The following COL23A1 variants were observed in gnomAD, a reference collection of about 807,000 sequenced individuals.
The protein encoded by COL23A1 is collagen alpha-1(XXIII) chain.
In COL23A1, 97 loss-of-function variants were observed where a neutral mutation model predicts 99.3. The ratio of observed to expected loss-of-function variants is 0.98; its 90% CI spans 0.83 to 1.16. The LOEUF (loss-of-function observed/expected upper bound fraction) is 1.16, where lower values mean the gene tolerates loss of function less well. Ranked by LOEUF, COL23A1 falls within the 50% of genes most tolerant of loss-of-function variation. COL23A1 has a pLI of 0.00. For synonymous variants in COL23A1, 320 were observed against 308.2 expected (o/e 1.04, Z -0.40); for missense variants, 762 against 757.4 (o/e 1.01, Z -0.07).
chr5:178,581,714 G>C (rs1043662537), intron 1 of COL23A1, among the ~76,000 whole-genome samples: 2 of 152,132 alleles, frequency 1.3e-5, no homozygotes, highest in Non-Finnish European at 2.9e-5. Flanking sequence ...ACAAAAATAG[G>C]GGGAGGGTGT....
intron 1 of COL23A1, among the ~76,000 whole-genome samples, chr5:178,580,772 C>T (rs1034430521): frequency 2.0e-5 from 3 of 152,200 alleles, no homozygotes; most frequent in Non-Finnish European, 4.4e-5. Context: ...GTAATCTCAA[C>T]ACTTTGGAAG....
chr5:178,288,792 A>C (rs1044251677), intron 4 of COL23A1, among the ~76,000 whole-genome samples: 4 of 145,994 alleles, frequency 2.7e-5, no homozygotes, highest in Non-Finnish European at 4.6e-5. Flanking sequence ...GAAGCCAGGA[A>C]TATCGGGGGG....
At position 178,256,904 on chromosome 5, in the gene COL23A1, G is replaced by A. The variant is rs61739424; in HGVS notation, c.799C>T (p.Arg267Trp). The change falls in exon 14 of 29, where the codon CGG becomes TGG. Residue 267 changes from arginine to tryptophan, a missense_variant. Arg to Trp is a moderately radical substitution (Grantham distance 101). Coordinates refer to ENST00000390654, the MANE Select transcript of COL23A1 (RefSeq NM_173465.4). ...GCACCGTCCACACCGTTCTCTCCCC[G>A]AGGCCCCATGCTCCCTGGCTCGCCC... ...PKGEPGSMGPRGENGVDGAPG... is the reference protein window; with the variant it reads ...PKGEPGSMGPWGENGVDGAPG... The A allele has an allele frequency of 0.049, 78,815 of 1,613,366 alleles. 2,474 individuals carry two copies. The highest frequency in any genetic ancestry group is 0.15 in the Admixed American group (8,763 of 59,924).
At chr5:178,269,466 C>T (rs934764799) in intron 6 of COL23A1, among the ~76,000 whole-genome samples, 9 of 60,148 alleles carry the variant, frequency 1.5e-4, no homozygotes, top group Non-Finnish European at 2.2e-4. Flanking sequence ...CATCCATCCA[C>T]CCATCCACCC....
chr5:178,320,025 T>C (rs746857842), intron 2 of COL23A1, among the ~76,000 whole-genome samples: 1 of 152,244 alleles, frequency 6.6e-6, no homozygotes, highest in African/African-American at 2.4e-5. Flanking sequence ...CATTCCTGCA[T>C]GGCTGAATGC....
At chr5:178,572,157 C>G (rs1194603491) in intron 1 of COL23A1, among the ~76,000 whole-genome samples, 1 of 150,020 alleles carries the variant, frequency 6.7e-6, no homozygotes, top group African/African-American at 2.5e-5. Flanking sequence ...GGATTAATGG[C>G]AGATGAGACA....
In COL23A1 at chr5:178,281,298, G is replaced by T. The variant is rs1019503795; in HGVS notation, c.441+7026C>A. ...GAACTACAAGAGTGCAAGAGAGCGT[G>T]TGAACGTGCGGTGCTCCATGGGCCT... On this transcript the variant is annotated intron_variant, in intron 5 of 28. Coordinates refer to ENST00000390654, the MANE Select transcript of COL23A1 (RefSeq NM_173465.4). This position sits in a 1 kb window ranked among gnomAD's most constrained non-coding sequence, Gnocchi z 4.0. Among the ~76,000 whole-genome samples, 1 of 152,234 alleles carries T rather than the reference G, an allele frequency of 6.6e-6. No individual in the cohort carries two copies. Among genetic ancestry groups the T allele is most frequent in the African/African-American group, 2.4e-5 (1 of 41,456 alleles).
In COL23A1 at chr5:178,437,369, G is replaced by T. The variant is rs1766615005; in HGVS notation, c.361+123313C>A. ...TTAGGACCTACCTGGGATGAAACAG[G>T]GTGCCAGGAGAGGTTGCAGGAGCAG... On this transcript the variant is annotated intron_variant, in intron 2 of 28. Coordinates refer to ENST00000390654, the MANE Select transcript of COL23A1 (RefSeq NM_173465.4). Among the ~76,000 whole-genome samples the T allele has an allele frequency of 2.6e-5, 4 of 152,164 alleles. No homozygotes were observed. The South Asian group carries it at 8.3e-4, about 32-fold the overall frequency.
Position 178,381,111 on chromosome 5 carries a change from A to G in COL23A1, c.362-74192T>C, listed in dbSNP as rs149551812. On this transcript the variant is annotated intron_variant, in intron 2 of 28. Coordinates refer to ENST00000390654, the MANE Select transcript of COL23A1 (RefSeq NM_173465.4). ...GGTCTGGCATGGCCACAGTCACTGA[A>G]GTGGAGTGGGGTTCTGCCACTCCCT... Among the ~76,000 whole-genome samples, 982 of 152,346 alleles carry G rather than the reference A, an allele frequency of 6.4e-3. 13 individuals carry two copies. The highest frequency in any genetic ancestry group is 0.022 in the African/African-American group (934 of 41,580).
intron 3 of COL23A1, among the ~76,000 whole-genome samples, chr5:178,294,166 C>A (rs1757608835): frequency 6.6e-6 from 1 of 152,130 alleles, no homozygotes; most frequent in Admixed American, 6.5e-5. Context: ...TCCTCACTGT[C>A]TTGTTCCTAA....
Position 178,313,305 on chromosome 5 carries a change from A to C in COL23A1, c.362-6386T>G, listed in dbSNP as rs1758803500. ...GGTGCGTGACAATGTGAACATACTG[A>C]ATGCCACTCAAGTGTACACTTAAGG... On this transcript the variant is annotated intron_variant, in intron 2 of 28. Transcript: ENST00000390654. The surrounding 1 kb of genome is among the most constrained non-coding windows in gnomAD (Gnocchi z 4.2). Among the ~76,000 whole-genome samples the C allele has an allele frequency of 6.6e-6, 1 of 152,194 alleles. No homozygotes were observed. The highest frequency in any genetic ancestry group is 6.5e-5 in the Admixed American group (1 of 15,290).
chr5:178,304,786 G>A (rs1758262423), intron 3 of COL23A1, among the ~76,000 whole-genome samples: 1 of 152,184 alleles, frequency 6.6e-6, no homozygotes. Flanking sequence ...CTGGCCTCTG[G>A]CAAGGTACTG....
At chr5:178,581,193 A>G (rs1250561561) in intron 1 of COL23A1, among the ~76,000 whole-genome samples, 1 of 152,236 alleles carries the variant, frequency 6.6e-6, no homozygotes, top group Non-Finnish European at 1.5e-5. Context: ...TAAAACTTGA[A>G]GCACAATTTC....
At chr5:178,476,529 G>T (rs978217659) in intron 2 of COL23A1, among the ~76,000 whole-genome samples, 1 of 152,082 alleles carries the variant, frequency 6.6e-6, no homozygotes, top group Non-Finnish European at 1.5e-5. Context: ...GAGTAATACC[G>T]CATCATATCC....
intron 15 of COL23A1, 38 bp downstream of exon 15, chr5:178,256,315 C>T: frequency 1.3e-6 from 2 of 1,543,652 alleles, no homozygotes; most frequent in Non-Finnish European, 1.8e-6. Context: ...GCCCCTAGAT[C>T]TCATCCCTGA....
chr5:178,351,849 G>T (rs971514344), intron 2 of COL23A1: 2 of 152,186 alleles, frequency 1.3e-5, no homozygotes, highest in Non-Finnish European at 2.9e-5. Context: ...ATAAGGCAGG[G>T]CCCTAACCCC....
intron 7 of COL23A1, among the ~76,000 whole-genome samples, chr5:178,268,130 A>G (rs1396949482): frequency 6.6e-6 from 1 of 152,142 alleles, no homozygotes; most frequent in Non-Finnish European, 1.5e-5. Context: ...TCCCATTTCC[A>G]AATTCTGGGT....
intron 3 of COL23A1, among the ~76,000 whole-genome samples, chr5:178,303,088 C>T (rs372471794): frequency 6.6e-6 from 1 of 152,188 alleles, no homozygotes; most frequent in East Asian, 1.9e-4. Context: ...GCAACCTCTG[C>T]CTCCTGGGTT....
chr5:178,267,174 G>T, intron 8 of COL23A1, 133 bp downstream of exon 8: 1 of 960,334 alleles, frequency 1.0e-6, no homozygotes, highest in East Asian at 2.5e-5. Context: ...TGCTATGGGT[G>T]GGGAAGAGCC....
Sources: gnomAD v4.1 joint callset for allele counts (sites outside exome capture counted in the v4.1 genomes callset) on GRCh38, gnomAD v4.1.1 for gene constraint, Gnocchi (gnomAD v3.1) non-coding constraint, MANE v1.5 for transcripts, NCBI Gene and HGNC (gene_info 2026-07-23, HGNC 2026-07-21) for gene names.